GUF1: variants seen among roughly 807,000 people sequenced by gnomAD.
GUF1 encodes GTP binding elongation factor GUF1, also known as translation factor GUF1, mitochondrial.
GUF1 carries 78 observed loss-of-function variants against 82.4 expected under a neutral mutation model. That is an observed-to-expected ratio of 0.95 (90% CI 0.79 to 1.14). GUF1 has a LOEUF of 1.14. Ranked by LOEUF, GUF1 falls within the 50% of genes most tolerant of loss-of-function variation. The pLI is 0.00. For synonymous variants in GUF1, 279 were observed against 282.3 expected, an observed-to-expected ratio of 0.99 and a Z score of 0.12; for missense variants, 814 against 798.2, an observed-to-expected ratio of 1.02 and a Z score of -0.24.
At chr4:44,683,451 A>G (rs561899717) in intron 6 of GUF1, 133 bp downstream of exon 6, 6 of 552,006 alleles carry the variant, frequency 1.1e-5, no homozygotes, top group Admixed American at 4.0e-5. Context: ...TTTTACTATT[A>G]TTTCCTTTGA....
chr4:44,697,081 TGAGTAAA>T, intron 15 of GUF1, among the ~76,000 whole-genome samples: 1 of 152,178 alleles, frequency 6.6e-6, no homozygotes, highest in East Asian at 1.9e-4. Flanking sequence ...ATTTTTAGAT[TGAGTAAA>T]AAATAACCTA....
chr4:44,695,021 G>A (rs969227180), intron 14 of GUF1, among the ~76,000 whole-genome samples: 1 of 152,076 alleles, frequency 6.6e-6, no homozygotes, highest in Non-Finnish European at 1.5e-5. Flanking sequence ...TGGCCAGGAT[G>A]GTCTCGATCT....
rs540501192 is a variant in GUF1, at chr4:44,687,767, G to A, written c.939-240G>A. 7.9e-5 allele frequency among the ~76,000 whole-genome samples: 12 copies of A among 151,958 alleles called. 2 individuals carry two copies. The South Asian group carries it at 2.5e-3, about 32-fold the overall frequency. On this transcript the variant is annotated intron_variant, in intron 8 of 16. Coordinates refer to ENST00000281543, the MANE Select transcript of GUF1 (RefSeq NM_021927.3). ...AACTGCTGTTTAAATTGCAAAGGTT[G>A]GCAGAATCATGAAAAAGGCATTAGG...
intron 1 of GUF1, among the ~76,000 whole-genome samples, chr4:44,679,833 C>G (rs1714660606): frequency 6.6e-6 from 1 of 152,108 alleles, no homozygotes. Flanking sequence ...TGATGTGTTT[C>G]AGTAAAACGT....
In GUF1 at chr4:44,678,563, A is replaced by C. The variant is rs1424263382; in HGVS notation, c.-60A>C. On this transcript the variant is annotated 5_prime_UTR_variant, in exon 1 of 17. Coordinates refer to ENST00000281543, the MANE Select transcript of GUF1 (RefSeq NM_021927.3). ...CCTACGGGGGGTACCTTCGAAAAAA[A>C]ACGGGCTATGCTGCTGTTGCGTGTG... 5 of 1,349,320 alleles carry C rather than the reference A, an allele frequency of 3.7e-6. No homozygotes were observed. The East Asian group carries it at 1.5e-4, about 39-fold the overall frequency. 83.6% of individuals were successfully genotyped at this position (1,349,320 alleles called of 1,614,324 possible).
intron 12 of GUF1, 133 bp from the exon 13 acceptor site, chr4:44,691,533 T>C (rs1322658344): frequency 7.8e-6 from 5 of 638,790 alleles, no homozygotes; most frequent in Non-Finnish European, 1.1e-5. Flanking sequence ...CCTAATGCAA[T>C]TGAAATATAA....
intron 6 of GUF1, among the ~76,000 whole-genome samples, chr4:44,685,294 T>C (rs1295679025): frequency 1.3e-5 from 2 of 152,142 alleles, no homozygotes; most frequent in Non-Finnish European, 1.5e-5. Context: ...CCCTGGTTGC[T>C]GCTGAACATC....
At chr4:44,682,274 C>G in intron 4 of GUF1, 60 bp from the exon 5 acceptor site, 2 of 884,106 alleles carry the variant, frequency 2.3e-6, no homozygotes, top group Non-Finnish European at 3.3e-6. Flanking sequence ...TCTTAAATTA[C>G]AAGTTTTGTG....
At position 44,681,140 on chromosome 4, in the gene GUF1, T is replaced by G; in HGVS notation, c.444T>G (p.Ser148Arg). 6.2e-7 allele frequency: 1 copy of G among 1,613,130 alleles called. No individual in the cohort carries two copies. Among genetic ancestry groups the G allele is most frequent in the Non-Finnish European group, 8.5e-7 (1 of 1,179,304 alleles). The change falls in exon 4 of 17, where the codon AGT (serine) becomes AGG (arginine). Residue 148 changes from serine to arginine, a missense_variant. By Grantham distance (110) the Ser-to-Arg change is moderately radical. Transcript: ENST00000281543. Reference sequence around the variant, plus strand: ...TTTCTCAGGGCCATGTTGATTTTAGTTATGAAGTATCCAGGTCACTTTCTG... The same window carrying G: ...TTTCTCAGGGCCATGTTGATTTTAGGTATGAAGTATCCAGGTCACTTTCTG... ...LIDTPGHVDF[S>R]YEVSRSLSAC...
In GUF1 at chr4:44,695,684, T is replaced by A; in HGVS notation, c.1785T>A (p.Phe595Leu). ...RLKDSLPRQL[F>L]EIAIQAAIGS... ...AGGATTCTCTTCCTAGGCAACTGTT[T>A]GAGATAGCAATTCAAGCTGCTATTG... The change falls in exon 15 of 17, where the codon TTT (phenylalanine) becomes TTA (leucine). Residue 595 changes from phenylalanine (F) to leucine (L), a missense_variant. By Grantham distance (22) the Phe-to-Leu change is conservative. Transcript: ENST00000281543. 1.9e-6 allele frequency: 3 copies of A among 1,612,704 alleles called. No homozygotes were observed. The highest frequency in any genetic ancestry group is 2.5e-6 in the Non-Finnish European group (3 of 1,179,034).
intron 1 of GUF1, 140 bp from the exon 2 acceptor site, chr4:44,680,301 T>A: frequency 3.8e-6 from 2 of 522,100 alleles, no homozygotes. Context: ...TACATGTCTT[T>A]TTCTTAGAAT....
chr4:44,685,175 A>G (rs1714977815), intron 6 of GUF1, among the ~76,000 whole-genome samples: 1 of 152,160 alleles, frequency 6.6e-6, no homozygotes, highest in Non-Finnish European at 1.5e-5. Flanking sequence ...AGTCTAGAGC[A>G]GTAGTTGTCA....
chr4:44,686,197 G>T (rs1452716195), intron 7 of GUF1, among the ~76,000 whole-genome samples, 174 bp downstream of exon 7: 2 of 151,936 alleles, frequency 1.3e-5, no homozygotes, highest in Non-Finnish European at 2.9e-5. Context: ...TACATAGAAG[G>T]CAAGTACAGT....
In GUF1 at chr4:44,685,920, A is replaced by C. The variant is rs778279202; in HGVS notation, c.670-39A>C. The C allele has an allele frequency of 7.1e-6, 10 of 1,401,240 alleles. No individual in the cohort carries two copies. The Admixed American group carries it at 1.5e-4, about 21-fold the overall frequency. 86.8% of individuals were successfully genotyped at this position (1,401,240 alleles called of 1,614,324 possible). A position where few individuals can be genotyped will look rare whatever the true frequency, so the allele number is the denominator to read the frequency against. On this transcript the variant is annotated intron_variant, in intron 6 of 16. Coordinates refer to ENST00000281543, the MANE Select transcript of GUF1 (RefSeq NM_021927.3). Reference sequence around the variant, plus strand: ...CATCAAGATAGAAAAGTATAGTCTTAACTTTAAATGCTTATATTTTTCACA... The same window carrying C: ...CATCAAGATAGAAAAGTATAGTCTTCACTTTAAATGCTTATATTTTTCACA...
intron 1 of GUF1, 125 bp from the exon 2 acceptor site, chr4:44,680,316 A>T (rs1714687672): frequency 1.8e-6 from 1 of 547,168 alleles, no homozygotes; most frequent in African/African-American, 2.0e-5. Flanking sequence ...TAGAATAATA[A>T]TATAAACAAT....
intron 8 of GUF1, 116 bp from the exon 9 acceptor site, chr4:44,687,891 A>T: frequency 1.2e-6 from 1 of 836,324 alleles, no homozygotes; most frequent in Non-Finnish European, 1.8e-6. Context: ...TTATTTTCAA[A>T]GTGTATGGAA....
At chr4:44,692,929 G>A (rs1202210465) in intron 13 of GUF1, among the ~76,000 whole-genome samples, 1 of 151,870 alleles carries the variant, frequency 6.6e-6, no homozygotes, top group African/African-American at 2.4e-5. Flanking sequence ...TTGCATTTGG[G>A]TACTACTTTC....
At chr4:44,689,032 A>AT (rs1430374617) in intron 9 of GUF1, among the ~76,000 whole-genome samples, 3 of 146,016 alleles carry the variant, frequency 2.1e-5, no homozygotes, top group Non-Finnish European at 4.5e-5. Context: ...TTTTCCCTGT[A>AT]TTTTTTCAAA....
Position 44,688,053 on chromosome 4 carries a change from A to T in GUF1, c.985A>T (p.Thr329Ser). ...TCTGATTGCTGGGATGAAAGATGTC[A>T]CTGAAGCGCAAATAGGAGATACATT... ...GYLIAGMKDV[T>S]EAQIGDTLCL... is the part of the protein sequence containing the mutation. Residue 329 changes from threonine to serine, a missense_variant, in exon 9 of 17, where the codon ACT becomes TCT. Coordinates refer to ENST00000281543, the MANE Select transcript of GUF1 (RefSeq NM_021927.3). 1.9e-6 allele frequency: 3 copies of T among 1,612,394 alleles called. No individual in the cohort carries two copies. Among genetic ancestry groups the T allele is most frequent in the Non-Finnish European group, 2.5e-6 (3 of 1,178,728 alleles).
Sources: allele counts gnomAD v4.1 joint callset (sites outside exome capture counted in the v4.1 genomes callset), GRCh38; gene constraint gnomAD v4.1.1; transcripts MANE v1.5; gene names NCBI Gene and HGNC (gene_info 2026-07-23, HGNC 2026-07-21).